The following BNIP3L variants were observed in gnomAD, a reference collection of about 807,000 sequenced individuals.
BNIP3L encodes BCL2 interacting protein 3 like, also known as BCL2/adenovirus E1B 19 kDa protein-interacting protein 3-like.
Under a neutral mutation model 25.5 loss-of-function variants are expected in BNIP3L, and 10 were observed. That is an observed-to-expected ratio of 0.39 (90% CI 0.24 to 0.67). The LOEUF (loss-of-function observed/expected upper bound fraction) is 0.67, where lower values mean the gene tolerates loss of function less well. Ranked by LOEUF, BNIP3L falls within the 30% of genes least tolerant of loss-of-function variation. The probability of loss-of-function intolerance (pLI) is 0.45; values close to 1 mark genes in which losing one functional copy is unlikely to be tolerated. For missense variants in BNIP3L, 215 were observed against 270.9 expected (o/e 0.79, Z 1.45); for synonymous variants, 113 against 101.2 (o/e 1.12, Z -0.70).
rs78811099 is a variant in BNIP3L at position 26,388,669 on chromosome 8, C to T, written c.101-2574C>T. ...GGATCCAGACATTGATTTGAAAGTC[C>T]TTCAAAAAAGTAAAAACCAGGTTGG... On this transcript the variant is annotated intron_variant, in intron 1 of 5. Coordinates refer to ENST00000380629, the MANE Select transcript of BNIP3L (RefSeq NM_004331.3). Among the ~76,000 whole-genome samples the T allele has an allele frequency of 4.7e-3, 719 of 152,124 alleles. 6 individuals are homozygous for T. Among genetic ancestry groups the T allele is most frequent in the Non-Finnish European group, 8.2e-3 (559 of 67,992 alleles).
At chr8:26,402,541 A>G (rs1474873267) in intron 3 of BNIP3L, among the ~76,000 whole-genome samples, 1 of 152,234 alleles carries the variant, frequency 6.6e-6, no homozygotes, top group Non-Finnish European at 1.5e-5. Flanking sequence ...TCAAAGGTCA[A>G]ATAAATGGAA....
chr8:26,400,664 C>T (rs926976952), intron 3 of BNIP3L, among the ~76,000 whole-genome samples: 2 of 117,248 alleles, frequency 1.7e-5, no homozygotes, highest in South Asian at 7.0e-4. Context: ...GCAACCTACT[C>T]ATCTGACAAA....
rs1453610824 is a variant in BNIP3L at position 26,412,810 on chromosome 8, G to A, written c.*2398G>A. The A allele has an allele frequency of 6.6e-6, 1 of 152,588 alleles. No individual in the cohort carries two copies. Among genetic ancestry groups the A allele is most frequent in the Non-Finnish European group, 1.5e-5 (1 of 68,030 alleles). The allele number at this position is 152,588 out of a possible 1,614,324, so 9.5% of individuals were successfully genotyped here. ...GGCAGGCTTCATTTTTCATATGTTTGATGAAAACTGGCTCAAGATGTTTGT... is the reference window on the plus strand; with the variant it reads ...GGCAGGCTTCATTTTTCATATGTTTAATGAAAACTGGCTCAAGATGTTTGT... On this transcript the variant is annotated 3_prime_UTR_variant, in exon 6 of 6. Transcript: ENST00000380629.
At chr8:26,407,023 C>T (rs2117494647) in intron 3 of BNIP3L, among the ~76,000 whole-genome samples, 1 of 148,534 alleles carries the variant, frequency 6.7e-6, no homozygotes, top group African/African-American at 2.5e-5. Flanking sequence ...GATGGAATCT[C>T]ACTCTATCAC....
intron 1 of BNIP3L, among the ~76,000 whole-genome samples, chr8:26,385,593 ACT>A (rs1321995026): frequency 1.6e-4 from 21 of 131,330 alleles, no homozygotes; most frequent in Non-Finnish European, 2.9e-4. Context: ...ACAGAGCAAG[ACT>A]CTGTCTCAAA....
In BNIP3L at chr8:26,411,225, G is replaced by T. The variant is rs1351407136; in HGVS notation, c.*813G>T. On this transcript the variant is annotated 3_prime_UTR_variant, in exon 6 of 6. Coordinates refer to ENST00000380629, the MANE Select transcript of BNIP3L (RefSeq NM_004331.3). ...TGCTTTTTGAGATTTTTGCGTGTGT[G>T]TTTGATATTTTTTACGATAATTAGC... 1.3e-5 allele frequency: 2 copies of T among 152,412 alleles called. No individual in the cohort carries two copies. Among genetic ancestry groups the T allele is most frequent in the African/African-American group, 4.8e-5 (2 of 41,382 alleles). 9.4% of individuals were successfully genotyped at this position (152,412 alleles called of 1,614,324 possible).
Position 26,383,062 on chromosome 8 carries a change from C to A in BNIP3L, c.-69C>A. 5 of 1,432,596 alleles carry A rather than the reference C, an allele frequency of 3.5e-6. No individual in the cohort carries two copies. The highest frequency in any genetic ancestry group is 4.8e-6 in the Non-Finnish European group (5 of 1,046,782). 88.7% of individuals were successfully genotyped at this position (1,432,596 alleles called of 1,614,324 possible). ...GCAGAAAAGGGGGCGGCGGACTCGG[C>A]TTGTTGTGTTGCTGCCTGAGTGCCG... On this transcript the variant is annotated 5_prime_UTR_variant, in exon 1 of 6. Coordinates refer to ENST00000380629, the MANE Select transcript of BNIP3L (RefSeq NM_004331.3).
chr8:26,405,207 T>A (rs1031283479), intron 3 of BNIP3L, among the ~76,000 whole-genome samples: 8 of 152,218 alleles, frequency 5.3e-5, no homozygotes, highest in Admixed American at 4.6e-4. Context: ...TGTTAAATCT[T>A]TGAGCAGGTT....
At chr8:26,395,417 G>C (rs1165515785) in intron 3 of BNIP3L, 115 bp downstream of exon 3, 3 of 1,145,444 alleles carry the variant, frequency 2.6e-6, no homozygotes, top group African/African-American at 3.1e-5. Context: ...AGCTATTATT[G>C]AGTTTCTGAT....
intron 3 of BNIP3L, among the ~76,000 whole-genome samples, chr8:26,404,718 G>T (rs921284695): frequency 6.6e-6 from 1 of 152,160 alleles, no homozygotes; most frequent in Non-Finnish European, 1.5e-5. Context: ...GTGCTGGCCA[G>T]GCTGGTCTCA....
chr8:26,403,499 C>T (rs1806435993), intron 3 of BNIP3L, among the ~76,000 whole-genome samples: 1 of 149,838 alleles, frequency 6.7e-6, no homozygotes, highest in African/African-American at 2.5e-5. Flanking sequence ...AAGTCACTAA[C>T]ATTAACTAGA....
intron 2 of BNIP3L, among the ~76,000 whole-genome samples, chr8:26,394,621 T>C (rs1408242537): frequency 1.3e-5 from 2 of 152,234 alleles, no homozygotes; most frequent in African/African-American, 4.8e-5. Flanking sequence ...AAATCTCTAA[T>C]ACCAAGCTTA....
intron 3 of BNIP3L, among the ~76,000 whole-genome samples, chr8:26,403,874 A>T (rs559763494): frequency 4.6e-5 from 7 of 152,140 alleles, no homozygotes; most frequent in Non-Finnish European, 8.8e-5. Context: ...GAAAGCAATG[A>T]TATTATCCCC....
intron 3 of BNIP3L, 111 bp downstream of exon 3, chr8:26,395,413 T>TATC: frequency 8.5e-7 from 1 of 1,170,664 alleles, no homozygotes; most frequent in East Asian, 2.5e-5. Flanking sequence ...TTGAAGCTAT[T>TATC]ATTGAGTTTC....
intron 2 of BNIP3L, among the ~76,000 whole-genome samples, chr8:26,394,535 AT>A (rs1806187721): frequency 6.6e-6 from 1 of 152,168 alleles, no homozygotes; most frequent in African/African-American, 2.4e-5. Context: ...CATAAGTAGC[AT>A]TTTTTAGTGA....
chr8:26,406,071 A>G (rs1343225814), intron 3 of BNIP3L, among the ~76,000 whole-genome samples: 1 of 152,178 alleles, frequency 6.6e-6, no homozygotes, highest in Non-Finnish European at 1.5e-5. Flanking sequence ...ATAATACTGA[A>G]TAAATAAATA....
chr8:26,392,877 A>G (rs73217738), intron 2 of BNIP3L, among the ~76,000 whole-genome samples: 272 of 152,162 alleles, frequency 1.8e-3, no homozygotes, highest in Non-Finnish European at 3.1e-3. Context: ...TGGTGCTGTC[A>G]ATGAGCAGAG....
chr8:26,404,220 C>G (rs922583597), intron 3 of BNIP3L, among the ~76,000 whole-genome samples: 2 of 152,076 alleles, frequency 1.3e-5, no homozygotes, highest in Non-Finnish European at 2.9e-5. Context: ...TGATCTTAGC[C>G]AAAAGTCCGA....
At chr8:26,383,622 C>G in intron 1 of BNIP3L, 3 of 210,668 alleles carry the variant, frequency 1.4e-5, no homozygotes, top group Non-Finnish European at 2.0e-5. Context: ...GGACGTGCGG[C>G]GGGGACGCCG....
Sources: gnomAD v4.1 joint callset for allele counts (sites outside exome capture counted in the v4.1 genomes callset) on GRCh38, gnomAD v4.1.1 for gene constraint, MANE v1.5 for transcripts, NCBI Gene and HGNC (gene_info 2026-07-23, HGNC 2026-07-21) for gene names.